DLGAP1: variants seen among roughly 807,000 people sequenced by gnomAD.
The protein encoded by DLGAP1 is DLG associated protein 1, also known as disks large-associated protein 1.
DLGAP1 carries 11 observed loss-of-function variants against 90.8 expected under a neutral mutation model. The ratio of observed to expected loss-of-function variants is 0.12; its 90% confidence interval spans 0.08 to 0.20. The LOEUF (loss-of-function observed/expected upper bound fraction) is 0.20. Among genes scored for constraint, DLGAP1 ranks in the 10% least tolerant of loss-of-function variants. The pLI, the probability that DLGAP1 is intolerant of heterozygous loss-of-function variation, is 1.00. For synonymous variants in DLGAP1, 558 were observed against 540.7 expected (o/e 1.03, Z -0.44); for missense variants, 1,050 against 1,333.8 (o/e 0.79, Z 3.31).
intron 1 of DLGAP1, among the ~76,000 whole-genome samples, chr18:4,399,239 A>G (rs574587269): frequency 1.4e-4 from 21 of 152,362 alleles, no homozygotes; most frequent in African/African-American, 4.8e-4. Context: ...TCTATGTTTA[A>G]AAAACTATTG....
chr18:3,967,809 A>G (rs752523798), intron 3 of DLGAP1, among the ~76,000 whole-genome samples: 1 of 151,986 alleles, frequency 6.6e-6, no homozygotes, highest in Non-Finnish European at 1.5e-5. Flanking sequence ...ACAACTAAGT[A>G]TAACTGTTAA....
chr18:4,434,008 A>C (rs1488020879), intron 1 of DLGAP1, among the ~76,000 whole-genome samples: 1 of 152,098 alleles, frequency 6.6e-6, no homozygotes, highest in African/African-American at 2.4e-5. Context: ...CAAATAGCTC[A>C]GCCCTTTCAG....
Position 3,841,147 on chromosome 18 carries a change from C to T in DLGAP1, c.958-26874G>A, listed in dbSNP as rs777788304. On this transcript the variant is annotated intron_variant, in intron 4 of 12. Coordinates refer to ENST00000315677, the MANE Select transcript of DLGAP1 (RefSeq NM_004746.4). ...CCCTAAGTAGTCTGACATCAGGCTA[C>T]GGTTGAAGAACATGAAGGGCCAACT... Among the ~76,000 whole-genome samples the T allele has an allele frequency of 7.0e-4, 106 of 152,104 alleles. 1 individual carries two copies. The highest frequency in any genetic ancestry group is 2.3e-3 in the African/African-American group (97 of 41,412).
intron 1 of DLGAP1, among the ~76,000 whole-genome samples, chr18:4,341,179 G>C (rs1483882180): frequency 2.0e-5 from 3 of 151,680 alleles, no homozygotes; most frequent in South Asian, 2.1e-4. Context: ...TTTAAGAATA[G>C]AGGAATATAT....
intron 1 of DLGAP1, among the ~76,000 whole-genome samples, chr18:4,322,246 C>T (rs1473699109): frequency 6.6e-6 from 1 of 151,682 alleles, no homozygotes; most frequent in Non-Finnish European, 1.5e-5. Flanking sequence ...AAAAGCATTA[C>T]AAAACTATAA....
chr18:3,754,102 G>A lies in DLGAP1; in HGVS notation c.1173-11590C>T, dbSNP rs1317127530. 7.2e-5 allele frequency among the ~76,000 whole-genome samples: 11 copies of A among 152,156 alleles called. 1 individual carries two copies. The highest frequency in any genetic ancestry group is 7.2e-4 in the Admixed American group (11 of 15,266). On this transcript the variant is annotated intron_variant, in intron 5 of 12. Transcript: ENST00000315677. ...TGCAGCCTTAACTTCTCAGGCTCAG[G>A]AGATTCTCTCATCTCAGCCTCCTGA...
chr18:4,374,694 A>C (rs1598308446), intron 1 of DLGAP1, among the ~76,000 whole-genome samples: 2 of 152,292 alleles, frequency 1.3e-5, no homozygotes, highest in Admixed American at 1.3e-4. Flanking sequence ...AATGTTAAGA[A>C]ATACAATTTG....
At chr18:3,877,259 C>G (rs896964388) in intron 4 of DLGAP1, among the ~76,000 whole-genome samples, 1 of 151,836 alleles carries the variant, frequency 6.6e-6, no homozygotes, top group Non-Finnish European at 1.5e-5. Flanking sequence ...TACCTGAGAT[C>G]GCAACTCCAA....
chr18:3,831,045 G>A (rs2068006217), intron 4 of DLGAP1, among the ~76,000 whole-genome samples: 1 of 152,210 alleles, frequency 6.6e-6, no homozygotes, highest in Non-Finnish European at 1.5e-5. Flanking sequence ...GGGCAAACAG[G>A]GATCATGGAG....
At chr18:4,379,503 T>G (rs1404686659) in intron 1 of DLGAP1, among the ~76,000 whole-genome samples, 1 of 152,158 alleles carries the variant, frequency 6.6e-6, no homozygotes, top group Non-Finnish European at 1.5e-5. Flanking sequence ...AATTCTTCCT[T>G]TTTCTTGAAT....
intron 2 of DLGAP1, among the ~76,000 whole-genome samples, chr18:4,139,881 T>C (rs1237330714): frequency 1.3e-5 from 2 of 152,022 alleles, no homozygotes; most frequent in Non-Finnish European, 2.9e-5. Context: ...TATTTCTTTT[T>C]AGAGCTTTTT....
At chr18:3,596,296 A>G (rs62084024) in intron 7 of DLGAP1, among the ~76,000 whole-genome samples, 3,276 of 152,072 alleles carry the variant, frequency 0.022, 53 homozygotes, top group Middle Eastern at 0.051. Flanking sequence ...TGTAGCTGGA[A>G]TTACAGCCGC....
chr18:4,299,932 C>T lies in DLGAP1; in HGVS notation c.-266-148645G>A, dbSNP rs561725520. ...AAAATCATTAAAACTAATAAGAAATCTGTAAATTCATACTTTCAAATAATC... is the reference window on the plus strand; with the variant it reads ...AAAATCATTAAAACTAATAAGAAATTTGTAAATTCATACTTTCAAATAATC... On this transcript the variant is annotated intron_variant, in intron 1 of 12. Coordinates refer to ENST00000315677, the MANE Select transcript of DLGAP1 (RefSeq NM_004746.4). Among the ~76,000 whole-genome samples the T allele has an allele frequency of 5.9e-5, 9 of 152,232 alleles. No homozygotes were observed. In the South Asian group the frequency reaches 1.4e-3, roughly 25 times the overall value.
At chr18:4,210,815 C>A (rs1481445517) in intron 1 of DLGAP1, among the ~76,000 whole-genome samples, 1 of 152,116 alleles carries the variant, frequency 6.6e-6, no homozygotes, top group Non-Finnish European at 1.5e-5. Flanking sequence ...ACTCTTCAGA[C>A]AATACTGATG....
At chr18:4,354,243 C>T (rs28429600) in intron 1 of DLGAP1, among the ~76,000 whole-genome samples, 5,951 of 152,186 alleles carry the variant, frequency 0.039, 403 homozygotes, top group African/African-American at 0.14. Context: ...TCACAGAAAC[C>T]AGAACCCCTC....
In DLGAP1 at chr18:4,155,571, G is replaced by A. The variant is rs574238594; in HGVS notation, c.-266-4284C>T. 2.6e-5 allele frequency among the ~76,000 whole-genome samples: 4 copies of A among 152,242 alleles called. No homozygotes were observed. The East Asian group carries it at 7.7e-4, about 29-fold the overall frequency. ...TGTGTATATTTTTCCTTCCAAAGTA[G>A]TGAATAAGGAATTCATTAAGAGCAA... On this transcript the variant is annotated intron_variant, in intron 1 of 12. Transcript: ENST00000315677.
intron 8 of DLGAP1, chr18:3,580,882 A>G (rs1195290510): frequency 1.8e-5 from 17 of 969,002 alleles, no homozygotes; most frequent in Non-Finnish European, 2.5e-5. Flanking sequence ...ACCCTGCAGT[A>G]GCGTCTGCCC....
chr18:3,906,798 A>T (rs2071916893), intron 3 of DLGAP1, among the ~76,000 whole-genome samples: 1 of 152,344 alleles, frequency 6.6e-6, no homozygotes, highest in Middle Eastern at 3.4e-3. Flanking sequence ...ATAAACTGAC[A>T]TTGGAATTTA....
chr18:4,225,486 C>T (rs2078166977), intron 1 of DLGAP1, among the ~76,000 whole-genome samples: 1 of 151,986 alleles, frequency 6.6e-6, no homozygotes, highest in Admixed American at 6.6e-5. Flanking sequence ...CCTGGAAAGA[C>T]AGAGATATAG....
Sources: gnomAD v4.1 joint callset for allele counts (sites outside exome capture counted in the v4.1 genomes callset) on GRCh38, gnomAD v4.1.1 for gene constraint, MANE v1.5 for transcripts, NCBI Gene and HGNC (gene_info 2026-07-23, HGNC 2026-07-21) for gene names.